The following AZIN2 variants were observed in gnomAD, a reference collection of about 807,000 sequenced individuals.
The protein encoded by AZIN2 is antizyme inhibitor 2, also known as ODC antizyme inhibitor-2.
Under a neutral mutation model 47.8 loss-of-function variants are expected in AZIN2, and 28 were observed. That is an observed-to-expected ratio of 0.59 (90% CI 0.43 to 0.80). The LOEUF (loss-of-function observed/expected upper bound fraction) is 0.80, where lower values mean the gene tolerates loss of function less well. AZIN2 is among the 30% of genes least tolerant of loss of function. AZIN2 has a pLI of 0.00. For missense variants in AZIN2, 535 were observed against 582.5 expected (o/e 0.92, Z 0.84); for synonymous variants, 221 against 239.4 (o/e 0.92, Z 0.71).
At chr1:33,105,685 ATCTGGGGAT>A (rs1485762546) in intron 10 of AZIN2, among the ~76,000 whole-genome samples, 1 of 152,156 alleles carries the variant, frequency 6.6e-6, no homozygotes, top group Non-Finnish European at 1.5e-5. Context: ...CTCCCTCAAT[ATCTGGGGAT>A]TACAATTCAA....
At chr1:33,109,035 G>A (rs145455776) in intron 10 of AZIN2, among the ~76,000 whole-genome samples, 287 of 152,328 alleles carry the variant, frequency 1.9e-3, no homozygotes, top group African/African-American at 6.6e-3. Flanking sequence ...CCAGCATTTG[G>A]TGTTACCAGT....
chr1:33,134,844 G>T, the AZIN2 span, among the ~76,000 whole-genome samples: 1 of 152,168 alleles, frequency 6.6e-6, no homozygotes, highest in African/African-American at 2.4e-5. Flanking sequence ...GAAATCCCTG[G>T]CTCCTCATTT....
chr1:33,151,381 G>A, the AZIN2 span, among the ~76,000 whole-genome samples: 2 of 152,096 alleles, frequency 1.3e-5, no homozygotes, highest in Non-Finnish European at 2.9e-5. Flanking sequence ...CTGGGGCAGG[G>A]TGTGGCACCC....
the AZIN2 span, among the ~76,000 whole-genome samples, chr1:33,153,907 C>G: frequency 6.6e-6 from 1 of 152,358 alleles, no homozygotes; most frequent in South Asian, 2.1e-4. Context: ...CTGACCCTCA[C>G]AGTTCACAGT....
chr1:33,143,902 C>T, the AZIN2 span, among the ~76,000 whole-genome samples: 1 of 152,232 alleles, frequency 6.6e-6, no homozygotes, highest in Non-Finnish European at 1.5e-5. Context: ...ACTCTGTGAC[C>T]ATGTGCGGCT....
chr1:33,139,001 A>G, the AZIN2 span, among the ~76,000 whole-genome samples: 1 of 152,226 alleles, frequency 6.6e-6, no homozygotes, highest in South Asian at 2.1e-4. Flanking sequence ...GTAAGCAAAA[A>G]TGCCTGCAAG....
Position 33,081,822 on chromosome 1 carries a change from G to T in AZIN2, c.-73+10G>T, listed in dbSNP as rs990065535. 7.5e-6 allele frequency: 2 copies of T among 267,750 alleles called. No individual in the cohort carries two copies. The highest frequency in any genetic ancestry group is 1.5e-5 in the Non-Finnish European group (2 of 136,414). The allele number at this position is 267,750 out of a possible 1,614,324, so 16.6% of individuals were successfully genotyped here. On this transcript the variant is annotated intron_variant, in intron 3 of 11. Transcript: ENST00000294517. This position sits in a 1 kb window ranked among gnomAD's most constrained non-coding sequence, Gnocchi z 4.2. ...ACCGGCTACCCTCTAGGTGGGCGTG[G>T]TCAAGACTGGGGGCGCCCTGGAAAC...
the AZIN2 span, among the ~76,000 whole-genome samples, chr1:33,134,506 A>T: frequency 3.3e-5 from 5 of 152,310 alleles, no homozygotes; most frequent in Non-Finnish European, 5.9e-5. Context: ...CCTTTAAAGG[A>T]CTATCCTATG....
At chr1:33,134,708 A>C in the AZIN2 span, among the ~76,000 whole-genome samples, 1 of 152,218 alleles carries the variant, frequency 6.6e-6, no homozygotes, top group Non-Finnish European at 1.5e-5. Flanking sequence ...CTAGGAGTAC[A>C]TGCGGGTCTC....
chr1:33,156,902 T>C, the AZIN2 span, among the ~76,000 whole-genome samples: 1 of 152,060 alleles, frequency 6.6e-6, no homozygotes, highest in Admixed American at 6.6e-5. Context: ...TGGCTGTCCT[T>C]ACAAAATATG....
At chr1:33,094,226 C>T (rs1351513287) in intron 7 of AZIN2, among the ~76,000 whole-genome samples, 1 of 152,150 alleles carries the variant, frequency 6.6e-6, no homozygotes, top group Non-Finnish European at 1.5e-5. Context: ...GAAACTAAAA[C>T]AAAGCTGAGT....
At chr1:33,145,092 T>C in the AZIN2 span, among the ~76,000 whole-genome samples, 1 of 152,356 alleles carries the variant, frequency 6.6e-6, no homozygotes, top group East Asian at 1.9e-4. Flanking sequence ...CTCTTGCCAC[T>C]GCCCCATGAG....
intron 7 of AZIN2, among the ~76,000 whole-genome samples, chr1:33,094,302 C>T (rs919202319): frequency 6.6e-6 from 1 of 152,212 alleles, no homozygotes; most frequent in Non-Finnish European, 1.5e-5. Flanking sequence ...GGGGTCCTGG[C>T]TCTCATCCCA....
downstream of AZIN2, among the ~76,000 whole-genome samples, chr1:33,123,554 G>A (rs1644833514): frequency 6.6e-6 from 1 of 152,208 alleles, no homozygotes; most frequent in African/African-American, 2.4e-5. Flanking sequence ...GAGGGTTATT[G>A]TGAAGATTAA....
chr1:33,150,566 A>G, the AZIN2 span, among the ~76,000 whole-genome samples: 1 of 152,240 alleles, frequency 6.6e-6, no homozygotes, highest in South Asian at 2.1e-4. Context: ...CAATGGAAAC[A>G]CAATCCTCTG....
chr1:33,084,648 G>C (rs1462627386), intron 5 of AZIN2, among the ~76,000 whole-genome samples: 1 of 152,100 alleles, frequency 6.6e-6, no homozygotes, highest in African/African-American at 2.4e-5. Context: ...CCAGGCTGGA[G>C]TGCAGTGTTG....
chr1:33,160,202 A>G, the AZIN2 span, among the ~76,000 whole-genome samples: 1 of 152,110 alleles, frequency 6.6e-6, no homozygotes, highest in Non-Finnish European at 1.5e-5. Flanking sequence ...ATGGTGAGGA[A>G]CACGGTTTGA....
chr1:33,084,170 G>T, intron 5 of AZIN2, 43 bp downstream of exon 5: 2 of 1,598,506 alleles, frequency 1.3e-6, no homozygotes, highest in South Asian at 2.2e-5. Context: ...CATGCCCACT[G>T]AACACACACA....
intron 10 of AZIN2, among the ~76,000 whole-genome samples, chr1:33,099,227 T>C (rs962240696): frequency 6.6e-6 from 1 of 152,152 alleles, no homozygotes. Context: ...CAACTCCACT[T>C]TGTGGCTCTT....
Sources: gnomAD v4.1 joint callset for allele counts (sites outside exome capture counted in the v4.1 genomes callset) on GRCh38, gnomAD v4.1.1 for gene constraint, Gnocchi (gnomAD v3.1) non-coding constraint, MANE v1.5 for transcripts, NCBI Gene and HGNC (gene_info 2026-07-23, HGNC 2026-07-21) for gene names.